Variants in ARHGAP15 observed in about 807,000 individuals in gnomAD.
ARHGAP15 encodes Rho GTPase activating protein 15, also known as rho GTPase-activating protein 15.
ARHGAP15 carries 51 observed loss-of-function variants against 63.7 expected under a neutral mutation model. The observed-to-expected ratio is 0.80, with a 90% CI of 0.64 to 1.01. ARHGAP15 has a LOEUF of 1.01. Ranked by LOEUF, ARHGAP15 falls within the 50% of genes least tolerant of loss-of-function variation. The pLI is 0.00. For missense variants in ARHGAP15, 560 were observed against 564.6 expected, an observed-to-expected ratio of 0.99 and a Z score of 0.08; for synonymous variants, 191 against 193.8, an observed-to-expected ratio of 0.99 and a Z score of 0.12.
intron 10 of ARHGAP15, among the ~76,000 whole-genome samples, chr2:143,527,788 T>C (rs1172703254): frequency 6.6e-6 from 1 of 152,072 alleles, no homozygotes; most frequent in African/African-American, 2.4e-5. Flanking sequence ...TATAATCAGA[T>C]AAATTATATT....
intron 6 of ARHGAP15, among the ~76,000 whole-genome samples, chr2:143,415,212 G>GA (rs565225054): frequency 1.6e-4 from 25 of 151,750 alleles, no homozygotes; most frequent in African/African-American, 5.3e-4. Flanking sequence ...CATTGTTTAG[G>GA]AAAAAAAATT....
At chr2:143,700,064 T>C (rs1056514435) in intron 12 of ARHGAP15, among the ~76,000 whole-genome samples, 6 of 152,184 alleles carry the variant, frequency 3.9e-5, no homozygotes, top group Admixed American at 2.0e-4. Flanking sequence ...AGCATAAAAA[T>C]TGCCTAGCTT....
At chr2:143,682,313 T>C (rs986478456) in intron 12 of ARHGAP15, among the ~76,000 whole-genome samples, 8 of 145,592 alleles carry the variant, frequency 5.5e-5, no homozygotes, top group Non-Finnish European at 7.6e-5. Flanking sequence ...TTTTTTTTTT[T>C]CCTTTTATTG....
intron 12 of ARHGAP15, among the ~76,000 whole-genome samples, chr2:143,668,492 A>T (rs1240226956): frequency 6.6e-6 from 1 of 152,204 alleles, no homozygotes; most frequent in African/African-American, 2.4e-5. Context: ...CCAGCTGAAA[A>T]TACAAATGAG....
chr2:143,293,338 G>A lies in ARHGAP15; in HGVS notation c.474+42738G>A, dbSNP rs1033196822. On this transcript the variant is annotated intron_variant, in intron 6 of 13. Transcript: ENST00000295095. ...TTAGGTCCTCATACATGCCAGGTGT[G>A]TTTCTACACTCTTAACATGTGTTAA... is the stretch of plus-strand genomic sequence containing the variant. Among the ~76,000 whole-genome samples the A allele has an allele frequency of 2.6e-5, 4 of 152,054 alleles. No individual in the cohort carries two copies. In the East Asian group the frequency reaches 7.7e-4, roughly 29 times the overall value.
chr2:143,204,543 T>A (rs1692251446), intron 3 of ARHGAP15, among the ~76,000 whole-genome samples: 1 of 152,104 alleles, frequency 6.6e-6, no homozygotes, highest in African/African-American at 2.4e-5. Flanking sequence ...ATGACCTAAT[T>A]ACCTCCTAGT....
chr2:143,687,179 A>AAAAG (rs1683390159), intron 12 of ARHGAP15, among the ~76,000 whole-genome samples: 1 of 152,146 alleles, frequency 6.6e-6, no homozygotes, highest in South Asian at 2.1e-4. Flanking sequence ...TTTCTTAAAG[A>AAAAG]AAAGAGGGAT....
chr2:143,532,893 A>C (rs897997951), intron 10 of ARHGAP15, among the ~76,000 whole-genome samples: 1 of 152,228 alleles, frequency 6.6e-6, no homozygotes, highest in African/African-American at 2.4e-5. Context: ...TTTAAATTTC[A>C]TACATTTCTA....
intron 6 of ARHGAP15, among the ~76,000 whole-genome samples, chr2:143,333,389 A>G (rs1684633737): frequency 6.6e-6 from 1 of 152,188 alleles, no homozygotes; most frequent in African/African-American, 2.4e-5. Flanking sequence ...TATGTAACTC[A>G]TTCGAGCCCT....
At chr2:143,150,630 G>C (rs191823181) in intron 1 of ARHGAP15, among the ~76,000 whole-genome samples, 64 of 151,990 alleles carry the variant, frequency 4.2e-4, no homozygotes, top group African/African-American at 1.5e-3. Context: ...TCTAACTCAG[G>C]GATATTTATT....
At chr2:143,135,780 T>A (rs1314146611) in intron 1 of ARHGAP15, among the ~76,000 whole-genome samples, 1 of 152,196 alleles carries the variant, frequency 6.6e-6, no homozygotes, top group African/African-American at 2.4e-5. Flanking sequence ...TTGCTAACAC[T>A]TTCTCATCAT....
At chr2:143,359,248 T>C (rs1351309991) in intron 6 of ARHGAP15, among the ~76,000 whole-genome samples, 3 of 152,172 alleles carry the variant, frequency 2.0e-5, no homozygotes, top group South Asian at 2.1e-4. Flanking sequence ...CATACTTTCA[T>C]TGAAGTTCAT....
chr2:143,308,935 C>CAAAA (rs35757623), intron 6 of ARHGAP15, among the ~76,000 whole-genome samples: 7 of 107,348 alleles, frequency 6.5e-5, no homozygotes, highest in Non-Finnish European at 9.4e-5. Context: ...TCCTGGCAGC[C>CAAAA]AAAAAAAAAA....
At chr2:143,591,253 C>T (rs1697309325) in intron 11 of ARHGAP15, among the ~76,000 whole-genome samples, 1 of 152,156 alleles carries the variant, frequency 6.6e-6, no homozygotes, top group Non-Finnish European at 1.5e-5. Flanking sequence ...CTTCCCCAAT[C>T]GATGTGATTT....
chr2:143,208,638 G>C (rs917404785), intron 3 of ARHGAP15, among the ~76,000 whole-genome samples: 2 of 152,076 alleles, frequency 1.3e-5, no homozygotes, highest in Non-Finnish European at 2.9e-5. Flanking sequence ...CTTAGAAAGT[G>C]CTATAATATC....
At chr2:143,455,454 A>G (rs567072684) in intron 8 of ARHGAP15, among the ~76,000 whole-genome samples, 1 of 151,976 alleles carries the variant, frequency 6.6e-6, no homozygotes, top group Non-Finnish European at 1.5e-5. Context: ...TCATCCTGTG[A>G]CTAAGAATAT....
chr2:143,342,728 T>C (rs973437987), intron 6 of ARHGAP15, among the ~76,000 whole-genome samples: 1 of 152,062 alleles, frequency 6.6e-6, no homozygotes, highest in African/African-American at 2.4e-5. Flanking sequence ...TGAGGCAAAA[T>C]TGTATAACAG....
At chr2:143,490,793 G>A (rs1300759356) in intron 9 of ARHGAP15, among the ~76,000 whole-genome samples, 1 of 151,296 alleles carries the variant, frequency 6.6e-6, no homozygotes, top group Non-Finnish European at 1.5e-5. Flanking sequence ...CTGTTTTTTT[G>A]TTTGTTTGTT....
At chr2:143,167,973 TA>T (rs1690615791) in intron 2 of ARHGAP15, among the ~76,000 whole-genome samples, 1 of 152,114 alleles carries the variant, frequency 6.6e-6, no homozygotes, top group African/African-American at 2.4e-5. Flanking sequence ...GATGAGGACA[TA>T]ATGTGGTAAG....
Sources: gnomAD v4.1 joint callset for allele counts (sites outside exome capture counted in the v4.1 genomes callset) on GRCh38, gnomAD v4.1.1 for gene constraint, MANE v1.5 for transcripts, NCBI Gene and HGNC (gene_info 2026-07-23, HGNC 2026-07-21) for gene names.